BARX2: variants seen among roughly 807,000 people sequenced by gnomAD.
BARX2 encodes homeobox protein BarH-like 2.
A neutral mutation model predicts 25.5 loss-of-function variants in BARX2; 11 were observed. The observed-to-expected ratio is 0.43, with a 90% confidence interval of 0.27 to 0.71. The LOEUF (loss-of-function observed/expected upper bound fraction) is 0.71, where lower values mean the gene tolerates loss of function less well. BARX2 is among the 30% of genes least tolerant of loss of function. The pLI, the probability that BARX2 is intolerant of heterozygous loss-of-function variation, is 0.19. For synonymous variants in BARX2, 137 were observed against 149.5 expected (o/e 0.92, Z 0.61); for missense variants, 360 against 359.9 (o/e 1.00, Z 0.00).
At chr11:129,426,371 T>G (rs551129585) in intron 1 of BARX2, among the ~76,000 whole-genome samples, 19 of 149,316 alleles carry the variant, frequency 1.3e-4, no homozygotes, top group East Asian at 3.9e-4. Context: ...TCCATGCTGG[T>G]TTTTTTTTGT....
intron 3 of BARX2, among the ~76,000 whole-genome samples, chr11:129,445,241 T>C (rs1323809169): frequency 6.6e-6 from 1 of 152,212 alleles, no homozygotes. Flanking sequence ...CTGCTTTCTG[T>C]GCAAGATCCA....
At chr11:129,437,434 T>C (rs1169972060) in intron 2 of BARX2, 4 of 1,004,464 alleles carry the variant, frequency 4.0e-6, no homozygotes, top group Non-Finnish European at 4.7e-6. Context: ...TTGGGATTCA[T>C]GATCTTCTCA....
At chr11:129,425,901 G>GT (rs1862056832) in intron 1 of BARX2, among the ~76,000 whole-genome samples, 1 of 151,386 alleles carries the variant, frequency 6.6e-6, no homozygotes, top group Non-Finnish European at 1.5e-5. Flanking sequence ...TAACTGGAGG[G>GT]TTATTCCAGA....
At chr11:129,377,661 A>C (rs1328654654) in intron 1 of BARX2, among the ~76,000 whole-genome samples, 1 of 152,226 alleles carries the variant, frequency 6.6e-6, no homozygotes, top group Non-Finnish European at 1.5e-5. Flanking sequence ...AGGGGTGATA[A>C]GTTGAATATT....
chr11:129,432,306 C>T (rs1862138837), intron 1 of BARX2, among the ~76,000 whole-genome samples: 1 of 152,102 alleles, frequency 6.6e-6, no homozygotes, highest in African/African-American at 2.4e-5. Flanking sequence ...AAGTAATCTG[C>T]CCACCTCGGC....
chr11:129,426,783 C>T (rs1862068291), intron 1 of BARX2, among the ~76,000 whole-genome samples: 1 of 151,172 alleles, frequency 6.6e-6, no homozygotes, highest in Non-Finnish European at 1.5e-5. Context: ...CCTTGGGACC[C>T]TCAAACTTTT....
At chr11:129,400,771 G>T (rs1861767166) in intron 1 of BARX2, among the ~76,000 whole-genome samples, 1 of 152,170 alleles carries the variant, frequency 6.6e-6, no homozygotes, top group Admixed American at 6.5e-5. Flanking sequence ...CCAGGCAAGA[G>T]ATGACCCAGG....
chr11:129,436,640 A>G lies in BARX2; in HGVS notation c.188-111A>G. Reference sequence around the variant, plus strand: ...CCCTTCCTCCATCTGTACCTCCTTAAGAGCAGGGCCCTCCCTGTCAGACAG... The same window carrying G: ...CCCTTCCTCCATCTGTACCTCCTTAGGAGCAGGGCCCTCCCTGTCAGACAG... On this transcript the variant is annotated intron_variant, in intron 1 of 3. Coordinates refer to ENST00000281437, the MANE Select transcript of BARX2 (RefSeq NM_003658.5). This position sits in a 1 kb window ranked among gnomAD's most constrained non-coding sequence, Gnocchi z 4.5. 8.2e-7 allele frequency: 1 copy of G among 1,226,352 alleles called. No homozygotes were observed. The highest frequency in any genetic ancestry group is 1.1e-6 in the Non-Finnish European group (1 of 886,284). 76.0% of individuals were successfully genotyped at this position (1,226,352 alleles called of 1,614,324 possible).
intron 1 of BARX2, among the ~76,000 whole-genome samples, chr11:129,380,812 G>T (rs1386564566): frequency 2.7e-5 from 4 of 146,896 alleles, no homozygotes; most frequent in Non-Finnish European, 4.5e-5. Context: ...TTAGGAGTCA[G>T]TTTTTTTTTT....
intron 2 of BARX2, chr11:129,437,350 G>T: frequency 1.4e-6 from 1 of 718,076 alleles, no homozygotes; most frequent in African/African-American, 1.8e-5. Flanking sequence ...TTGCTCAGGC[G>T]GTCAGCTGGG....
intron 1 of BARX2, among the ~76,000 whole-genome samples, chr11:129,409,502 A>G (rs1233535273): frequency 6.6e-6 from 1 of 152,126 alleles, no homozygotes; most frequent in Non-Finnish European, 1.5e-5. Context: ...ATGAAACAGG[A>G]ACATCTTTTA....
intron 1 of BARX2, among the ~76,000 whole-genome samples, chr11:129,434,127 A>T (rs1862159562): frequency 6.6e-6 from 1 of 151,866 alleles, no homozygotes; most frequent in Non-Finnish European, 1.5e-5. Flanking sequence ...CAAAAAAAAA[A>T]TCATAGTTTT....
At position 129,422,522 on chromosome 11, in the gene BARX2, T is replaced by C. The variant is rs1591440443; in HGVS notation, c.188-14229T>C. 2.6e-5 allele frequency among the ~76,000 whole-genome samples: 4 copies of C among 152,110 alleles called. No individual in the cohort carries two copies. The South Asian group carries it at 6.3e-4, about 24-fold the overall frequency. ...CTATGTCGCCTAGGTTGATCTCGAA[T>C]TTCTGGCTTCAAACGATCCTCCTGC... On this transcript the variant is annotated intron_variant, in intron 1 of 3. Transcript: ENST00000281437.
chr11:129,387,260 A>G (rs890003113), intron 1 of BARX2, among the ~76,000 whole-genome samples: 2 of 152,170 alleles, frequency 1.3e-5, no homozygotes, highest in African/African-American at 4.8e-5. Context: ...AAACATTATC[A>G]AGGAAGATAT....
intron 3 of BARX2, 71 bp downstream of exon 3, chr11:129,442,990 G>A (rs761082396): frequency 1.4e-4 from 193 of 1,408,150 alleles, no homozygotes; most frequent in Middle Eastern, 3.6e-4. Context: ...TGTTGGGAGG[G>A]AGGCCGGACC....
chr11:129,434,446 A>C (rs1323217876), intron 1 of BARX2, among the ~76,000 whole-genome samples: 8 of 108,550 alleles, frequency 7.4e-5, no homozygotes, highest in Non-Finnish European at 1.5e-4. Flanking sequence ...AAAAAAAAAA[A>C]CAGAGACACG....
intron 3 of BARX2, among the ~76,000 whole-genome samples, chr11:129,444,315 C>CA (rs966951420): frequency 2.0e-5 from 3 of 151,940 alleles, no homozygotes; most frequent in African/African-American, 4.8e-5. Context: ...ATTATATTCC[C>CA]AAAAAAGAAA....
At chr11:129,408,522 C>T (rs772801267) in intron 1 of BARX2, among the ~76,000 whole-genome samples, 1 of 152,220 alleles carries the variant, frequency 6.6e-6, no homozygotes, top group Non-Finnish European at 1.5e-5. Context: ...CTTCACTGTG[C>T]TTCATCCACA....
chr11:129,385,553 G>T lies in BARX2; in HGVS notation c.187+9331G>T, dbSNP rs141053768. ...AAAAAGTTGTAGATTGATACTTACT[G>T]TCTGATACCATTTATTTAAATGGTT... On this transcript the variant is annotated intron_variant, in intron 1 of 3. Transcript: ENST00000281437. Among the ~76,000 whole-genome samples the T allele has an allele frequency of 1.1e-3, 175 of 152,274 alleles. 1 individual carries two copies. The highest frequency in any genetic ancestry group is 1.7e-3 in the Admixed American group (26 of 15,292).
Sources: allele counts gnomAD v4.1 joint callset (sites outside exome capture counted in the v4.1 genomes callset), GRCh38; gene constraint gnomAD v4.1.1; non-coding constraint Gnocchi (gnomAD v3.1); transcripts MANE v1.5; gene names NCBI Gene and HGNC (gene_info 2026-07-23, HGNC 2026-07-21).